The following CTNNA2 variants were observed in gnomAD, a reference collection of about 807,000 sequenced individuals.
The protein encoded by CTNNA2 is catenin alpha-2.
A neutral mutation model predicts 101.0 loss-of-function variants in CTNNA2; 42 were observed. That is an observed-to-expected ratio of 0.42 (90% CI 0.32 to 0.54). The LOEUF (loss-of-function observed/expected upper bound fraction) is 0.54. CTNNA2 is among the 20% of genes least tolerant of loss of function. CTNNA2 has a pLI of 0.14. For synonymous variants in CTNNA2, 450 were observed against 456.4 expected (o/e 0.99, Z 0.18); for missense variants, 871 against 1,223.1 (o/e 0.71, Z 4.29).
chr2:79,979,727 A>T (rs145266748), intron 7 of CTNNA2, among the ~76,000 whole-genome samples: 260 of 150,178 alleles, frequency 1.7e-3, no homozygotes, highest in African/African-American at 5.9e-3. Flanking sequence ...ATAAGTATTT[A>T]AAAAAAAAAT....
At chr2:79,266,968 T>G (rs1674995329) in intron 2 of CTNNA2, among the ~76,000 whole-genome samples, 1 of 152,062 alleles carries the variant, frequency 6.6e-6, no homozygotes, top group African/African-American at 2.4e-5. Context: ...GAGCTTAATA[T>G]CTGATTTTAA....
intron 3 of CTNNA2, among the ~76,000 whole-genome samples, chr2:79,348,134 C>T (rs1677304607): frequency 6.6e-6 from 1 of 152,130 alleles, no homozygotes; most frequent in Non-Finnish European, 1.5e-5. Flanking sequence ...AACCAAACAA[C>T]AAAATGCAAA....
chr2:80,622,694 A>T (rs1671253335), intron 18 of CTNNA2, among the ~76,000 whole-genome samples: 1 of 151,876 alleles, frequency 6.6e-6, no homozygotes, highest in Non-Finnish European at 1.5e-5. Context: ...GACTTGCAGA[A>T]GATTTGCGGT....
chr2:80,560,951 T>C (rs1693534302), intron 12 of CTNNA2, among the ~76,000 whole-genome samples: 1 of 151,928 alleles, frequency 6.6e-6, no homozygotes, highest in African/African-American at 2.4e-5. Flanking sequence ...TTTGTCTTTT[T>C]TTTCTGTAGA....
At chr2:79,409,339 A>G (rs1214292328) in intron 4 of CTNNA2, among the ~76,000 whole-genome samples, 4 of 151,960 alleles carry the variant, frequency 2.6e-5, no homozygotes, top group African/African-American at 7.3e-5. Flanking sequence ...TTTTGTTGCC[A>G]TTGCTTTTGG....
intron 2 of CTNNA2, among the ~76,000 whole-genome samples, chr2:79,743,938 T>A (rs1671471555): frequency 6.6e-6 from 1 of 152,152 alleles, no homozygotes; most frequent in Admixed American, 6.5e-5. Flanking sequence ...TACTCATTAT[T>A]TATTAATTGC....
intron 1 of CTNNA2, among the ~76,000 whole-genome samples, chr2:79,516,034 A>G (rs1187939423): frequency 6.6e-6 from 1 of 152,216 alleles, no homozygotes; most frequent in East Asian, 1.9e-4. Context: ...AGGCATTTGC[A>G]TGAGGTCCTA....
chr2:79,479,277 G>A (rs1010133766), intron 4 of CTNNA2, among the ~76,000 whole-genome samples: 1 of 152,130 alleles, frequency 6.6e-6, no homozygotes, highest in African/African-American at 2.4e-5. Flanking sequence ...TCCCCTTGAT[G>A]GGCTGGATTT....
chr2:80,163,059 A>G lies in CTNNA2; in HGVS notation c.1057-230152A>G, dbSNP rs369408698. ...ATTAAGTAGATTCATTGCATAAGGAACAGATACTTCATGTTTGAAATTCAC... is the reference window on the plus strand; with the variant it reads ...ATTAAGTAGATTCATTGCATAAGGAGCAGATACTTCATGTTTGAAATTCAC... On this transcript the variant is annotated intron_variant, in intron 7 of 18. Coordinates refer to ENST00000402739, the MANE Select transcript of CTNNA2 (RefSeq NM_001282597.3). The G allele has an allele frequency of 1.3e-5, 21 of 1,566,204 alleles. No individual in the cohort carries two copies. The East Asian group carries it at 3.8e-4, about 28-fold the overall frequency.
chr2:80,045,863 T>C (rs1696485764), intron 7 of CTNNA2, among the ~76,000 whole-genome samples: 1 of 152,166 alleles, frequency 6.6e-6, no homozygotes, highest in Non-Finnish European at 1.5e-5. Context: ...GAAATAAAGA[T>C]GGCATATTTT....
chr2:80,264,188 C>T (rs553339260), intron 7 of CTNNA2, among the ~76,000 whole-genome samples: 2 of 152,240 alleles, frequency 1.3e-5, no homozygotes, highest in East Asian at 1.9e-4. Context: ...AATCCCTTGA[C>T]AGATGCATGT....
At chr2:80,581,923 A>G in intron 14 of CTNNA2, 104 bp downstream of exon 14, 1 of 683,900 alleles carries the variant, frequency 1.5e-6, no homozygotes, top group South Asian at 1.7e-5. Context: ...CCAGAGATTC[A>G]TGGGTCAGAA....
chr2:80,563,321 C>T (rs932621551), intron 12 of CTNNA2, among the ~76,000 whole-genome samples: 9 of 152,166 alleles, frequency 5.9e-5, no homozygotes, highest in Non-Finnish European at 1.2e-4. Flanking sequence ...GGGGAAACTG[C>T]CACATCAGTG....
At chr2:80,057,019 C>T (rs751941907) in intron 7 of CTNNA2, among the ~76,000 whole-genome samples, 7 of 152,076 alleles carry the variant, frequency 4.6e-5, no homozygotes, top group South Asian at 2.1e-4. Context: ...ACTTTTGGAA[C>T]GGGTGAAGTT....
At position 79,754,479 on chromosome 2, in the gene CTNNA2, T is replaced by A. The variant is rs536096387; in HGVS notation, c.298+9897T>A. On this transcript the variant is annotated intron_variant, in intron 3 of 18. Transcript: ENST00000402739. ...GGAAGCTCCCTCTGTCACACAGCTC[T>A]GTCCCTCCTCCTTCATTTGCCCTAT... 3.3e-5 allele frequency among the ~76,000 whole-genome samples: 5 copies of A among 152,252 alleles called. No homozygotes were observed. The South Asian group carries it at 1.0e-3, about 32-fold the overall frequency.
intron 1 of CTNNA2, among the ~76,000 whole-genome samples, chr2:79,523,478 T>C (rs1377422474): frequency 6.6e-6 from 1 of 152,202 alleles, no homozygotes; most frequent in Non-Finnish European, 1.5e-5. Flanking sequence ...AGTGTGGTTG[T>C]ACCATGGTTT....
At chr2:80,128,034 A>C (rs892217339) in intron 7 of CTNNA2, among the ~76,000 whole-genome samples, 1 of 152,098 alleles carries the variant, frequency 6.6e-6, no homozygotes, top group African/African-American at 2.4e-5. Flanking sequence ...TGGTTTTGAT[A>C]AAATATGCTG....
intron 9 of CTNNA2, among the ~76,000 whole-genome samples, chr2:80,455,609 G>A (rs1044700950): frequency 2.0e-5 from 3 of 152,154 alleles, no homozygotes; most frequent in African/African-American, 7.2e-5. Flanking sequence ...TCTTTCTGGA[G>A]AGGAGTGTAC....
chr2:79,705,753 A>T (rs1264366326), intron 2 of CTNNA2, among the ~76,000 whole-genome samples: 1 of 152,208 alleles, frequency 6.6e-6, no homozygotes, highest in East Asian at 1.9e-4. Flanking sequence ...AAAAAATAAT[A>T]CTTGGTACTG....
Sources: allele counts gnomAD v4.1 joint callset (sites outside exome capture counted in the v4.1 genomes callset), GRCh38; gene constraint gnomAD v4.1.1; transcripts MANE v1.5; gene names NCBI Gene and HGNC (gene_info 2026-07-23, HGNC 2026-07-21).